Variants in CD2AP observed in about 807,000 individuals in gnomAD.
CD2AP encodes CD2-associated protein.
Under a neutral mutation model 85.1 loss-of-function variants are expected in CD2AP, and 46 were observed. The ratio of observed to expected loss-of-function variants is 0.54; its 90% CI spans 0.43 to 0.69. The LOEUF is 0.69. CD2AP is among the 30% of genes least tolerant of loss of function. The pLI is 0.00. For missense variants in CD2AP, 769 were observed against 729.5 expected (o/e 1.05, Z -0.62); for synonymous variants, 255 against 252.9 (o/e 1.01, Z -0.08).
Position 47,626,147 on chromosome 6 carries a change from G to T in CD2AP, c.*1920G>T, listed in dbSNP as rs1252114526. On this transcript the variant is annotated 3_prime_UTR_variant, in exon 18 of 18. Coordinates refer to ENST00000359314, the MANE Select transcript of CD2AP (RefSeq NM_012120.3). Reference sequence around the variant, plus strand: ...CAGCAGATTTCAGGCTGTTCTTAAAGTTTTTGTTGGTCATTTTCTCAATAG... The same window carrying T: ...CAGCAGATTTCAGGCTGTTCTTAAATTTTTTGTTGGTCATTTTCTCAATAG... 1 of 151,872 alleles carries T rather than the reference G, an allele frequency of 6.6e-6. No homozygotes were observed. The highest frequency in any genetic ancestry group is 1.5e-5 in the Non-Finnish European group (1 of 67,818). The allele number at this position is 151,872 out of a possible 1,614,324, so 9.4% of individuals were successfully genotyped here.
At chr6:47,624,092 T>C (rs779295575) in intron 17 of CD2AP, 94 bp from the exon 18 acceptor site, 1 of 1,063,702 alleles carries the variant, frequency 9.4e-7, no homozygotes, top group Non-Finnish European at 1.4e-6. Flanking sequence ...GTCTGAAGGC[T>C]TGAAAGTATG....
At chr6:47,537,997 C>T (rs1767099442) in intron 3 of CD2AP, among the ~76,000 whole-genome samples, 1 of 151,788 alleles carries the variant, frequency 6.6e-6, no homozygotes, top group African/African-American at 2.4e-5. Context: ...GTGATCTGCC[C>T]GCCTCAGCCT....
Position 47,626,682 on chromosome 6 carries a change from G to A in CD2AP, c.*2455G>A, listed in dbSNP as rs1769918012. ...GATGTAAAGAGAGAACAGGCCTTGT[G>A]TAACAGAAGATACTCTTTTTTATGC... On this transcript the variant is annotated 3_prime_UTR_variant, in exon 18 of 18. Transcript: ENST00000359314. The A allele has an allele frequency of 6.6e-6, 1 of 152,404 alleles. No individual in the cohort carries two copies. The highest frequency in any genetic ancestry group is 1.9e-4 in the East Asian group (1 of 5,194). The allele number at this position is 152,404 out of a possible 1,614,324, so 9.4% of individuals were successfully genotyped here. A position where few individuals can be genotyped will look rare whatever the true frequency, so the allele number is the denominator to read the frequency against.
At chr6:47,541,527 C>T (rs1409375028) in intron 3 of CD2AP, among the ~76,000 whole-genome samples, 2 of 152,172 alleles carry the variant, frequency 1.3e-5, no homozygotes, top group Non-Finnish European at 2.9e-5. Context: ...ACAGATGTAA[C>T]TTTCTTATTT....
intron 4 of CD2AP, among the ~76,000 whole-genome samples, chr6:47,545,487 C>T (rs943739100): frequency 6.6e-6 from 1 of 152,166 alleles, no homozygotes; most frequent in Non-Finnish European, 1.5e-5. Flanking sequence ...CCTGTTCCTC[C>T]CCATACTACA....
At chr6:47,553,925 A>T (rs949339554) in intron 4 of CD2AP, among the ~76,000 whole-genome samples, 1 of 152,018 alleles carries the variant, frequency 6.6e-6, no homozygotes, top group African/African-American at 2.4e-5. Flanking sequence ...TAGGTTTAGC[A>T]ATTTTCTGTG....
At chr6:47,549,160 T>G (rs930291334) in intron 4 of CD2AP, among the ~76,000 whole-genome samples, 1 of 152,070 alleles carries the variant, frequency 6.6e-6, no homozygotes, top group Admixed American at 6.6e-5. Flanking sequence ...GGATGCCTGC[T>G]CTCACCACTC....
chr6:47,585,937 A>G (rs1768616682), intron 11 of CD2AP, among the ~76,000 whole-genome samples: 1 of 152,222 alleles, frequency 6.6e-6, no homozygotes, highest in South Asian at 2.1e-4. Context: ...AACAAATTCC[A>G]GAATAAAATT....
chr6:47,595,540 G>A (rs1253792031), intron 11 of CD2AP, among the ~76,000 whole-genome samples: 2 of 151,960 alleles, frequency 1.3e-5, no homozygotes, highest in Admixed American at 6.6e-5. Flanking sequence ...AAAATCATGT[G>A]TGGTTGTATT....
At chr6:47,560,828 C>T (rs1228267685) in intron 5 of CD2AP, among the ~76,000 whole-genome samples, 1 of 152,156 alleles carries the variant, frequency 6.6e-6, no homozygotes, top group Non-Finnish European at 1.5e-5. Context: ...CCTCATCAGA[C>T]TTTCACTCAA....
chr6:47,560,217 A>G (rs1767817861), intron 5 of CD2AP, among the ~76,000 whole-genome samples: 1 of 152,102 alleles, frequency 6.6e-6, no homozygotes, highest in Non-Finnish European at 1.5e-5. Context: ...TTCTATCTAG[A>G]TATCTGTATT....
chr6:47,568,140 A>G (rs971432323), intron 5 of CD2AP, among the ~76,000 whole-genome samples: 11 of 152,190 alleles, frequency 7.2e-5, no homozygotes, highest in Admixed American at 1.3e-4. Context: ...TTGGCTTTGT[A>G]AGATGGAGAT....
chr6:47,609,628 A>G (rs1769375649), intron 16 of CD2AP: 2 of 244,318 alleles, frequency 8.2e-6, no homozygotes, highest in South Asian at 6.2e-5. Flanking sequence ...GAGCCTGGGA[A>G]GTCAAGGCTG....
At chr6:47,607,843 G>GT (rs1380357783) in intron 14 of CD2AP, 84 bp from the exon 15 acceptor site, 1 of 876,802 alleles carries the variant, frequency 1.1e-6, no homozygotes, top group Non-Finnish European at 1.8e-6. Flanking sequence ...ATCCATAAAA[G>GT]TTATTTGCTT....
intron 1 of CD2AP, among the ~76,000 whole-genome samples, chr6:47,501,373 C>T (rs947693462): frequency 6.6e-6 from 1 of 152,218 alleles, no homozygotes; most frequent in Non-Finnish European, 1.5e-5. Flanking sequence ...CTGGCACCTG[C>T]TCAACTGTAG....
At chr6:47,535,879 A>C (rs28438947) in intron 3 of CD2AP, among the ~76,000 whole-genome samples, 2 of 152,216 alleles carry the variant, frequency 1.3e-5, no homozygotes, top group African/African-American at 2.4e-5. Context: ...GGAGCTATAA[A>C]GGGATAAGTT....
chr6:47,532,642 T>C (rs1766919268), intron 2 of CD2AP, among the ~76,000 whole-genome samples: 2 of 152,162 alleles, frequency 1.3e-5, no homozygotes, highest in South Asian at 2.1e-4. Context: ...TAGCACATTG[T>C]CTAATTCTAT....
intron 13 of CD2AP, among the ~76,000 whole-genome samples, chr6:47,602,277 T>C (rs544101433): frequency 2.7e-4 from 41 of 152,090 alleles, no homozygotes; most frequent in African/African-American, 9.9e-4. Context: ...TATATTCTCA[T>C]ATATAATGTA....
chr6:47,546,651 A>C (rs113219539), intron 4 of CD2AP, among the ~76,000 whole-genome samples: 295 of 152,332 alleles, frequency 1.9e-3, no homozygotes, highest in African/African-American at 6.9e-3. Context: ...CCAGAGACCT[A>C]GACATCCAAA....
Sources: allele counts gnomAD v4.1 joint callset (sites outside exome capture counted in the v4.1 genomes callset), GRCh38; gene constraint gnomAD v4.1.1; transcripts MANE v1.5; gene names NCBI Gene and HGNC (gene_info 2026-07-23, HGNC 2026-07-21).